Variants in KALRN observed in about 807,000 individuals in gnomAD.
KALRN encodes the protein kalirin.
In KALRN, 70 loss-of-function variants were observed where a neutral mutation model predicts 353.7. The observed-to-expected ratio is 0.20, with a 90% confidence interval of 0.16 to 0.24. The LOEUF (loss-of-function observed/expected upper bound fraction) is 0.24, where lower values mean the gene tolerates loss of function less well. KALRN is among the 10% of genes least tolerant of loss of function. KALRN has a pLI of 1.00. For missense variants in KALRN, 2,791 were observed against 3,756.7 expected, an observed-to-expected ratio of 0.74 and a Z score of 6.72; for synonymous variants, 1,391 against 1,434.8, an observed-to-expected ratio of 0.97 and a Z score of 0.69.
At chr3:124,674,824 G>C in intron 49 of KALRN, 1 of 439,410 alleles carries the variant, frequency 2.3e-6, no homozygotes, top group East Asian at 3.6e-5. Context: ...TGGTGGTGGC[G>C]ATGATTTTTC....
In KALRN at chr3:124,671,900, T is replaced by C; in HGVS notation, c.6942+2T>C. On this transcript the variant is annotated splice_donor_variant, in intron 48 of 59. Transcript: ENST00000682506. LOFTEE classifies it high-confidence loss of function. ...GGGGACAAGTTCGAAGCCAGCAAGG[T>C]AAGTGACAACTCATTACTCCCACCC... The C allele has an allele frequency of 6.2e-7, 1 of 1,604,590 alleles. No homozygotes were observed. Among genetic ancestry groups the C allele is most frequent in the Non-Finnish European group, 8.5e-7 (1 of 1,171,658 alleles).
Position 124,205,950 on chromosome 3 carries a change from T to C in KALRN, c.74-22040T>C, listed in dbSNP as rs182423436. ...CGTTTTTGTACCTAGATCACTGACA[T>C]ATTCTTGTTGCTTTTAAAGAAACCA... On this transcript the variant is annotated intron_variant, in intron 1 of 59. Transcript: ENST00000682506. Among the ~76,000 whole-genome samples, 10 of 152,174 alleles carry C rather than the reference T, an allele frequency of 6.6e-5. No homozygotes were observed. The East Asian group carries it at 1.9e-3, about 29-fold the overall frequency.
intron 1 of KALRN, among the ~76,000 whole-genome samples, chr3:124,086,777 C>A (rs1473024279): frequency 1.7e-4 from 26 of 152,110 alleles, no homozygotes; most frequent in Admixed American, 1.7e-3. Flanking sequence ...GTCTACCAAG[C>A]CACTTTTCCC....
intron 21 of KALRN, among the ~76,000 whole-genome samples, chr3:124,453,814 C>T (rs547880260): frequency 2.6e-5 from 4 of 152,266 alleles, no homozygotes; most frequent in South Asian, 4.1e-4. Flanking sequence ...ACTGCTTCTC[C>T]GTGAGACCTC....
Position 124,486,743 on chromosome 3 carries a change from C to T in KALRN, c.4285-1461C>T, listed in dbSNP as rs1045677307. Among the ~76,000 whole-genome samples, 10 of 152,298 alleles carry T rather than the reference C, an allele frequency of 6.6e-5. No homozygotes were observed. The East Asian group carries it at 9.6e-4, about 15-fold the overall frequency. ...CCTTTCTTGCAGCCAGGATGTGCTG[C>T]GGCCAGGTTGATCTACAAGGTCTGT... On this transcript the variant is annotated intron_variant, in intron 28 of 59. Transcript: ENST00000682506.
At chr3:124,399,052 G>A (rs1225624347) in intron 13 of KALRN, among the ~76,000 whole-genome samples, 181 bp downstream of exon 13, 1 of 152,114 alleles carries the variant, frequency 6.6e-6, no homozygotes, top group Non-Finnish European at 1.5e-5. Flanking sequence ...ATCCCCTACT[G>A]CCGAGCAGAG....
chr3:124,165,427 A>G (rs2070680143), intron 1 of KALRN, among the ~76,000 whole-genome samples: 1 of 151,870 alleles, frequency 6.6e-6, no homozygotes, highest in Non-Finnish European at 1.5e-5. Context: ...TTTAAGAGAC[A>G]AGATTGAGAA....
At chr3:124,382,813 G>A (rs2087596738) in intron 10 of KALRN, among the ~76,000 whole-genome samples, 1 of 152,068 alleles carries the variant, frequency 6.6e-6, no homozygotes, top group African/African-American at 2.4e-5. Context: ...AGAAATTGTG[G>A]GCAATCCCAT....
chr3:124,087,349 GTTAA>G lies in KALRN; in HGVS notation c.73+53540_73+53543del, dbSNP rs1170017591. 3.3e-5 allele frequency among the ~76,000 whole-genome samples: 5 copies of G among 152,266 alleles called. No individual in the cohort carries two copies. The East Asian group carries it at 9.7e-4, about 29-fold the overall frequency. On this transcript the variant is annotated intron_variant, in intron 1 of 59. Coordinates refer to ENST00000682506, the MANE Select transcript of KALRN (RefSeq NM_001388419.1). ...TTCTTTTTATAATTCAAGCAAGCAT[GTTAA>G]TTAGGCACCCTCTGTGACAACCCCA...
At chr3:124,089,752 G>A (rs1264502523) in intron 1 of KALRN, among the ~76,000 whole-genome samples, 1 of 151,812 alleles carries the variant, frequency 6.6e-6, no homozygotes, top group Non-Finnish European at 1.5e-5. Context: ...GAGGGAGGAT[G>A]GAAGGTGCAC....
At chr3:124,308,399 A>G (rs1311304781) in intron 6 of KALRN, among the ~76,000 whole-genome samples, 1 of 152,032 alleles carries the variant, frequency 6.6e-6, no homozygotes, top group Non-Finnish European at 1.5e-5. Context: ...AACATTGTCC[A>G]TAATAGACCA....
intron 10 of KALRN, among the ~76,000 whole-genome samples, chr3:124,376,474 G>A (rs559829704): frequency 6.6e-6 from 1 of 152,188 alleles, no homozygotes; most frequent in South Asian, 2.1e-4. Flanking sequence ...AGACCACTTT[G>A]CCATTCCCAG....
chr3:124,229,747 C>T (rs2078955209), intron 2 of KALRN, among the ~76,000 whole-genome samples: 1 of 152,214 alleles, frequency 6.6e-6, no homozygotes, highest in Non-Finnish European at 1.5e-5. Context: ...TGGGAGTGTG[C>T]AGAAGACTTT....
At chr3:124,554,795 G>T (rs2071009165) in intron 33 of KALRN, among the ~76,000 whole-genome samples, 1 of 152,200 alleles carries the variant, frequency 6.6e-6, no homozygotes, top group African/African-American at 2.4e-5. Context: ...TTGACTTAAA[G>T]TTCTCACTGT....
chr3:124,577,068 G>C (rs2074179968), intron 34 of KALRN, among the ~76,000 whole-genome samples: 1 of 152,156 alleles, frequency 6.6e-6, no homozygotes, highest in Admixed American at 6.5e-5. Flanking sequence ...ACCTGTCCTT[G>C]TTGCCAGCAG....
chr3:124,234,525 T>G (rs2079528586), intron 2 of KALRN, among the ~76,000 whole-genome samples: 1 of 152,208 alleles, frequency 6.6e-6, no homozygotes, highest in African/African-American at 2.4e-5. Context: ...TGTAGAGAGC[T>G]TTACTTTTCC....
At position 124,437,480 on chromosome 3, in the gene KALRN, A is replaced by AG. The variant is rs1229699387; in HGVS notation, c.3049-1404dup. ...CAAGGCAGGTGGATCACTTGAGGTC[A>AG]GGGGTTCAAAACCAGCCTGACAAAC... is the stretch of plus-strand genomic sequence containing the variant. On this transcript the variant is annotated intron_variant, in intron 17 of 59. Transcript: ENST00000682506. 2.6e-5 allele frequency among the ~76,000 whole-genome samples: 4 copies of AG among 152,196 alleles called. No homozygotes were observed. The South Asian group carries it at 8.3e-4, about 31-fold the overall frequency.
At chr3:124,144,006 A>G (rs1322370435) in intron 1 of KALRN, among the ~76,000 whole-genome samples, 2 of 152,162 alleles carry the variant, frequency 1.3e-5, no homozygotes, top group African/African-American at 4.8e-5. Flanking sequence ...TGGACCTAAC[A>G]TATGTACCTT....
At chr3:124,709,821 G>A (rs1057089612) in intron 57 of KALRN, among the ~76,000 whole-genome samples, 6 of 152,282 alleles carry the variant, frequency 3.9e-5, no homozygotes, top group Admixed American at 3.3e-4. Flanking sequence ...CTAATTGAGA[G>A]AGCACCCGAG....
Sources: gnomAD v4.1 joint callset for allele counts (sites outside exome capture counted in the v4.1 genomes callset) on GRCh38, gnomAD v4.1.1 for gene constraint, MANE v1.5 for transcripts, NCBI Gene and HGNC (gene_info 2026-07-23, HGNC 2026-07-21) for gene names.